Variants in RBMS3 observed in about 807,000 individuals in gnomAD.
RBMS3 encodes the protein RNA-binding motif, single-stranded-interacting protein 3.
A neutral mutation model predicts 66.8 loss-of-function variants in RBMS3; 27 were observed. The observed-to-expected ratio is 0.40, with a 90% confidence interval of 0.30 to 0.56. RBMS3 has a LOEUF of 0.56. Ranked by LOEUF, RBMS3 falls within the 20% of genes least tolerant of loss-of-function variation. RBMS3 has a pLI of 0.40. For missense variants in RBMS3, 513 were observed against 549.5 expected (o/e 0.93, Z 0.66); for synonymous variants, 188 against 183.0 (o/e 1.03, Z -0.22).
chr3:29,440,688 G>T (rs1189963508), intron 2 of RBMS3, among the ~76,000 whole-genome samples: 1 of 152,176 alleles, frequency 6.6e-6, no homozygotes, highest in Non-Finnish European at 1.5e-5. Flanking sequence ...GAGCCGAAGG[G>T]TCTGCCCAAG....
rs1043038674 is a variant in RBMS3, at chr3:29,728,979, A to AAT, written c.400-10728_400-10727dup. Among the ~76,000 whole-genome samples, 290 of 151,692 alleles carry AAT rather than the reference A, an allele frequency of 1.9e-3. 1 individual carries two copies. The highest frequency in any genetic ancestry group is 4.6e-3 in the African/African-American group (190 of 41,402). ...TTGTGGCTTTTCACTTTATGTGTTA[A>AAT]ATATATATATATATTTTATTATACT... On this transcript the variant is annotated intron_variant, in intron 4 of 14. Coordinates refer to ENST00000383767, the MANE Select transcript of RBMS3 (RefSeq NM_001003793.3).
intron 4 of RBMS3, among the ~76,000 whole-genome samples, chr3:29,697,673 AAC>A (rs1489944985): frequency 6.6e-6 from 1 of 152,242 alleles, no homozygotes; most frequent in African/African-American, 2.4e-5. Flanking sequence ...CCCATGTCTA[AAC>A]ACAGAGTTTG....
At chr3:29,403,304 T>A (rs1002505325) in intron 1 of RBMS3, among the ~76,000 whole-genome samples, 1 of 152,090 alleles carries the variant, frequency 6.6e-6, no homozygotes, top group Non-Finnish European at 1.5e-5. Context: ...GTAATATAGA[T>A]GGACGTATTT....
intron 6 of RBMS3, among the ~76,000 whole-genome samples, chr3:29,776,592 TC>T (rs1275593715): frequency 6.6e-6 from 1 of 152,052 alleles, no homozygotes; most frequent in Non-Finnish European, 1.5e-5. Context: ...TGAGAGATTT[TC>T]TATAGCCCCA....
At chr3:29,930,806 T>C (rs2061100609) in intron 10 of RBMS3, among the ~76,000 whole-genome samples, 1 of 152,028 alleles carries the variant, frequency 6.6e-6, no homozygotes, top group Admixed American at 6.6e-5. Flanking sequence ...ATTTCATCTT[T>C]AAGGGGATGG....
intron 13 of RBMS3, among the ~76,000 whole-genome samples, chr3:29,990,224 T>A (rs1698742298): frequency 6.9e-6 from 1 of 144,140 alleles, no homozygotes. Context: ...CTTTTCAAAT[T>A]CTAAAGAAGA....
chr3:29,891,167 C>T (rs530134982), intron 8 of RBMS3, among the ~76,000 whole-genome samples: 6 of 151,624 alleles, frequency 4.0e-5, no homozygotes, highest in African/African-American at 1.4e-4. Context: ...ATAACCTTCA[C>T]ATTAATACAG....
chr3:29,321,047 C>T (rs963643943), intron 1 of RBMS3, among the ~76,000 whole-genome samples: 14 of 152,058 alleles, frequency 9.2e-5, no homozygotes, highest in African/African-American at 3.1e-4. Flanking sequence ...AGCCAATGAA[C>T]GTACCAAATG....
chr3:29,699,816 T>C (rs949690255), intron 4 of RBMS3, among the ~76,000 whole-genome samples: 1 of 152,194 alleles, frequency 6.6e-6, no homozygotes. Context: ...ACAGTGCACA[T>C]GTACCTACAT....
intron 1 of RBMS3, among the ~76,000 whole-genome samples, chr3:29,393,796 C>A (rs1400199728): frequency 1.3e-5 from 2 of 151,986 alleles, no homozygotes; most frequent in Non-Finnish European, 2.9e-5. Context: ...GCCCCCTGAG[C>A]CACAAAACCA....
intron 2 of RBMS3, among the ~76,000 whole-genome samples, chr3:29,456,415 TG>T (rs2125770888): frequency 6.6e-6 from 1 of 152,296 alleles, no homozygotes; most frequent in Admixed American, 6.5e-5. Context: ...ATCTGCACAA[TG>T]GATTCACAGC....
chr3:29,955,152 G>A (rs989795817), intron 12 of RBMS3, among the ~76,000 whole-genome samples: 2 of 151,976 alleles, frequency 1.3e-5, no homozygotes, highest in African/African-American at 4.8e-5. Flanking sequence ...GGTGATAGCT[G>A]CTCACTGGCC....
chr3:29,387,524 CA>C (rs1385401504), intron 1 of RBMS3, among the ~76,000 whole-genome samples: 1 of 152,090 alleles, frequency 6.6e-6, no homozygotes, highest in Admixed American at 6.6e-5. Flanking sequence ...TATGGTATGG[CA>C]ATACATTTTT....
chr3:29,350,822 T>A (rs1217823309), intron 1 of RBMS3, among the ~76,000 whole-genome samples: 1 of 151,924 alleles, frequency 6.6e-6, no homozygotes, highest in Non-Finnish European at 1.5e-5. Context: ...CAGATAAGCC[T>A]TTTGCCATAA....
rs147781565 is a variant in RBMS3 at position 29,626,620 on chromosome 3, A to G, written c.399+39415A>G. Among the ~76,000 whole-genome samples the G allele has an allele frequency of 3.3e-3, 510 of 152,332 alleles. 1 individual carries two copies. Among genetic ancestry groups the G allele is most frequent in the Non-Finnish European group, 6.1e-3 (417 of 68,028 alleles). On this transcript the variant is annotated intron_variant, in intron 4 of 14. Coordinates refer to ENST00000383767, the MANE Select transcript of RBMS3 (RefSeq NM_001003793.3). ...ATTTTTGTTTGGCAATCATTGAGCA[A>G]TAAAATGGGAATATACAGATATTGT...
intron 6 of RBMS3, chr3:29,766,366 T>C (rs1291687546): frequency 6.6e-6 from 1 of 151,976 alleles, no homozygotes; most frequent in Non-Finnish European, 1.5e-5. Flanking sequence ...ATGTTGACAT[T>C]GCTCTGAATT....
intron 6 of RBMS3, among the ~76,000 whole-genome samples, chr3:29,779,155 C>T (rs527430344): frequency 6.6e-6 from 1 of 151,870 alleles, no homozygotes; most frequent in East Asian, 1.9e-4. Flanking sequence ...GGTTTTAACA[C>T]TGATTTTTAA....
At chr3:29,347,311 A>G (rs1457513306) in intron 1 of RBMS3, among the ~76,000 whole-genome samples, 1 of 152,196 alleles carries the variant, frequency 6.6e-6, no homozygotes, top group Non-Finnish European at 1.5e-5. Flanking sequence ...CCACATAAAT[A>G]TGTGTAGGTA....
intron 4 of RBMS3, among the ~76,000 whole-genome samples, chr3:29,609,328 A>G (rs78894278): frequency 0.027 from 4,043 of 152,052 alleles, 98 homozygotes; most frequent in Admixed American, 0.083. Context: ...GGCACTGTCA[A>G]TGACCAGGAA....
Sources: allele counts gnomAD v4.1 joint callset (sites outside exome capture counted in the v4.1 genomes callset), GRCh38; gene constraint gnomAD v4.1.1; transcripts MANE v1.5; gene names NCBI Gene and HGNC (gene_info 2026-07-23, HGNC 2026-07-21).